ZNF543: variants seen among roughly 807,000 people sequenced by gnomAD.
ZNF543 encodes zinc finger protein 543.
A neutral mutation model predicts 13.4 loss-of-function variants in ZNF543; 10 were observed. The observed-to-expected ratio is 0.75, with a 90% CI of 0.46 to 1.26. The LOEUF (loss-of-function observed/expected upper bound fraction) is 1.26, where lower values mean the gene tolerates loss of function less well. Ranked by LOEUF, ZNF543 falls within the 50% of genes most tolerant of loss-of-function variation. ZNF543 has a pLI of 0.00. For missense variants in ZNF543, 768 were observed against 741.2 expected (o/e 1.04, Z -0.42); for synonymous variants, 272 against 264.7 (o/e 1.03, Z -0.27).
chr19:57,329,312 A>G lies in ZNF543; in HGVS notation c.*47A>G, dbSNP rs2088147967. The stretch of plus-strand genomic sequence containing the variant: ...GCCATTCACACTGAAGAGAAACTTC[A>G]TAAGCATCCTCTCTTTGAGAAAACG... On this transcript the variant is annotated 3_prime_UTR_variant, in exon 4 of 4. Transcript: ENST00000321545. The G allele has an allele frequency of 2.6e-6, 4 of 1,535,956 alleles. No individual in the cohort carries two copies. Among genetic ancestry groups the G allele is most frequent in the African/African-American group, 1.4e-5 (1 of 72,346 alleles).
chr19:57,327,121 T>C (rs1220023848), intron 3 of ZNF543, among the ~76,000 whole-genome samples: 1 of 151,222 alleles, frequency 6.6e-6, no homozygotes, highest in African/African-American at 2.4e-5. Flanking sequence ...CCTGCCTCAG[T>C]GTTCGAAAAT....
Position 57,323,717 on chromosome 19 carries a change from C to T in ZNF543, c.54C>T (p.Phe18=). The T allele has an allele frequency of 2.5e-6, 4 of 1,613,722 alleles. No individual in the cohort carries two copies. Among genetic ancestry groups the T allele is most frequent in the Non-Finnish European group, 2.5e-6 (3 of 1,179,728 alleles). The part of the protein sequence containing the change: ...SVTFEDVAVT[F]TQEEWGQLDA... Reference sequence around the variant, plus strand: ...CCTTTGAGGATGTGGCTGTGACATTCACCCAGGAGGAGTGGGGACAGTTGG... The same window carrying T: ...CCTTTGAGGATGTGGCTGTGACATTTACCCAGGAGGAGTGGGGACAGTTGG... The change falls in exon 2 of 4, where the codon TTC becomes TTT. Residue 18 remains phenylalanine, a synonymous_variant. Coordinates refer to ENST00000321545, the MANE Select transcript of ZNF543 (RefSeq NM_213598.4).
intron 1 of ZNF543, chr19:57,323,480 C>T (rs928573940): frequency 6.6e-6 from 4 of 606,478 alleles, no homozygotes; most frequent in African/African-American, 3.7e-5. Flanking sequence ...GCGTGAGCCA[C>T]CGCGCCTGAC....
In ZNF543 at chr19:57,326,866, C is replaced by T. The variant is rs1159895946; in HGVS notation, c.241+138C>T. 46 of 576,214 alleles carry T rather than the reference C, an allele frequency of 8.0e-5. No individual in the cohort carries two copies. In the East Asian group the frequency reaches 1.1e-3, roughly 14 times the overall value. The allele number at this position is 576,214 out of a possible 1,614,324, so 35.7% of individuals were successfully genotyped here. On this transcript the variant is annotated intron_variant, in intron 3 of 3. Transcript: ENST00000321545. ...GGGATCCATGGAGCCTCTCCCCGCCCGCCCCCCCCCACCCGCCTTCAGACA... is the reference window on the plus strand; with the variant it reads ...GGGATCCATGGAGCCTCTCCCCGCCTGCCCCCCCCCACCCGCCTTCAGACA...
chr19:57,320,929 G>A (rs2088086574), intron 1 of ZNF543, 58 bp downstream of exon 1: 1 of 1,608,864 alleles, frequency 6.2e-7, no homozygotes, highest in Non-Finnish European at 8.5e-7. Context: ...GGCCTCGTGG[G>A]CAGGCAGAAG....
Position 57,329,322 on chromosome 19 carries a change from TC to T in ZNF543, c.*58del, listed in dbSNP as rs1461600218. 97 of 1,524,322 alleles carry T rather than the reference TC, an allele frequency of 6.4e-5. No individual in the cohort carries two copies. The highest frequency in any genetic ancestry group is 5.3e-4 in the Middle Eastern group (3 of 5,664). 94.4% of individuals were successfully genotyped at this position (1,524,322 alleles called of 1,614,324 possible). On this transcript the variant is annotated 3_prime_UTR_variant, in exon 4 of 4. Transcript: ENST00000321545. ...CTGAAGAGAAACTTCATAAGCATCCTCTCTTTGAGAAAACGTGTAATAGATG... is the reference window on the plus strand; with the variant it reads ...CTGAAGAGAAACTTCATAAGCATCCTTCTTTGAGAAAACGTGTAATAGATG...
Position 57,329,023 on chromosome 19 carries a change from A to G in ZNF543, c.1561A>G (p.Asn521Asp). 6.2e-7 allele frequency: 1 copy of G among 1,613,796 alleles called. No individual in the cohort carries two copies. The highest frequency in any genetic ancestry group is 8.5e-7 in the Non-Finnish European group (1 of 1,179,942). Residue 521 changes from asparagine (N) to aspartate (D), a missense_variant, in exon 4 of 4, where the codon AAC becomes GAC. Asn to Asp is a conservative substitution (Grantham distance 23). Coordinates refer to ENST00000321545, the MANE Select transcript of ZNF543 (RefSeq NM_213598.4). ...TGGGAAAGCCTTTTGCCGGAGCGCA[A>G]ACCTTATTCGACACTCCATCATTCA... ...QCGKAFCRSA[N>D]LIRHSIIHTG... is the part of the protein sequence containing the mutation.
intron 2 of ZNF543, 36 bp from the exon 3 acceptor site, chr19:57,326,597 T>C (rs2122939726): frequency 6.5e-7 from 1 of 1,546,852 alleles, no homozygotes; most frequent in Admixed American, 1.7e-5. Context: ...TCTTCTAACC[T>C]AACTCCCTGT....
Position 57,329,372 on chromosome 19 carries a change from A to G in ZNF543, c.*107A>G. On this transcript the variant is annotated 3_prime_UTR_variant, in exon 4 of 4. Coordinates refer to ENST00000321545, the MANE Select transcript of ZNF543 (RefSeq NM_213598.4). ...TGATCATTTGTCGTCTAAACAATCA[A>G]GTTAGAAATTGAACCAGCCTGGAGT... 6.9e-7 allele frequency: 1 copy of G among 1,456,252 alleles called. No homozygotes were observed. The highest frequency in any genetic ancestry group is 9.1e-7 in the Non-Finnish European group (1 of 1,094,542). 90.2% of individuals were successfully genotyped at this position (1,456,252 alleles called of 1,614,324 possible).
In ZNF543 at chr19:57,328,434, A is replaced by C; in HGVS notation, c.972A>C (p.Pro324=). Residue 324 remains proline, a synonymous_variant, in exon 4 of 4, where the codon CCA becomes CCC. Coordinates refer to ENST00000321545, the MANE Select transcript of ZNF543 (RefSeq NM_213598.4). ...GTGGCAAAGCCTTTCGAGATAGGCC[A>C]GGTTTCATTCGACACTACATCATCC... is the stretch of plus-strand genomic sequence containing the variant. ...KECGKAFRDR[P]GFIRHYIIHT... The C allele has an allele frequency of 6.2e-7, 1 of 1,611,842 alleles. No individual in the cohort carries two copies. Among genetic ancestry groups the C allele is most frequent in the South Asian group, 1.1e-5 (1 of 90,968 alleles).
intron 1 of ZNF543, among the ~76,000 whole-genome samples, chr19:57,323,193 A>ATTTTT (rs371613138): frequency 7.4e-6 from 1 of 135,790 alleles, no homozygotes; most frequent in Non-Finnish European, 1.6e-5. Context: ...CACTGCTGTA[A>ATTTTT]TTTTTTTTTT....
chr19:57,326,289 C>T (rs1007945326), intron 2 of ZNF543, among the ~76,000 whole-genome samples: 6 of 152,130 alleles, frequency 3.9e-5, no homozygotes, highest in African/African-American at 1.2e-4. Flanking sequence ...TTCAGCCTCC[C>T]GAGTAGCTGG....
chr19:57,328,937 C>A lies in ZNF543; in HGVS notation c.1475C>A (p.Ser492Ter). ...TGTGGAAAGGCCTTCAACCGCAGCTCACACCTCACGAGGCACCAACAGATT... is the reference window on the plus strand; with the variant it reads ...TGTGGAAAGGCCTTCAACCGCAGCTAACACCTCACGAGGCACCAACAGATT... Reference protein sequence around the residue: ...VECGKAFNRSSHLTRHQQIHT... With the variant: ...VECGKAFNRS Residue 492 changes from serine (S) to a stop codon, truncating the protein, a stop_gained, in exon 4 of 4, where the codon TCA (serine) becomes TAA (stop). Coordinates refer to ENST00000321545, the MANE Select transcript of ZNF543 (RefSeq NM_213598.4). LOFTEE classifies it low-confidence loss of function (END_TRUNC). The A allele has an allele frequency of 6.2e-7, 1 of 1,614,180 alleles. No individual in the cohort carries two copies. Among genetic ancestry groups the A allele is most frequent in the Non-Finnish European group, 8.5e-7 (1 of 1,180,016 alleles).
intron 2 of ZNF543, 98 bp downstream of exon 2, chr19:57,323,906 A>G (rs568907954): frequency 6.7e-7 from 1 of 1,491,578 alleles, no homozygotes; most frequent in East Asian, 2.4e-5. Context: ...GGCTCCTGGC[A>G]CCACGCAGGG....
At position 57,323,537 on chromosome 19, in the gene ZNF543, G is replaced by A. The variant is rs1048505629; in HGVS notation, c.19-145G>A. 20 of 1,077,008 alleles carry A rather than the reference G, an allele frequency of 1.9e-5. No homozygotes were observed. The African/African-American group carries it at 2.4e-4, about 13-fold the overall frequency. The allele number at this position is 1,077,008 out of a possible 1,614,324, so 66.7% of individuals were successfully genotyped here. On this transcript the variant is annotated intron_variant, in intron 1 of 3. Coordinates refer to ENST00000321545, the MANE Select transcript of ZNF543 (RefSeq NM_213598.4). ...AAGGCAATGTCCACATTCCCCTCAT[G>A]CCTGGCACAGATCATGGCCCTCTAG...
In ZNF543 at chr19:57,328,988, G is replaced by A. The variant is rs762068097; in HGVS notation, c.1526G>A (p.Cys509Tyr). 6 of 1,614,052 alleles carry A rather than the reference G, an allele frequency of 3.7e-6. No homozygotes were observed. The African/African-American group carries it at 8.0e-5, about 22-fold the overall frequency. The change falls in exon 4 of 4, where the codon TGC (cysteine) becomes TAC (tyrosine). Residue 509 changes from cysteine (C) to tyrosine (Y), a missense_variant. By Grantham distance (194) the Cys-to-Tyr change is radical (BLOSUM62 -2). Around this residue, in one of 3 missense-constraint regions of ZNF543, gnomAD observed 677 missense variants for 631.4 expected, o/e 1.07. Coordinates refer to ENST00000321545, the MANE Select transcript of ZNF543 (RefSeq NM_213598.4). ...CACACTGGAGAGAAACCCTATGAAT[G>A]CATCCAGTGTGGGAAAGCCTTTTGC... Reference protein sequence around the residue: ...QIHTGEKPYECIQCGKAFCRS... With the variant: ...QIHTGEKPYEYIQCGKAFCRS...
intron 2 of ZNF543, among the ~76,000 whole-genome samples, chr19:57,326,181 G>T (rs2064209384): frequency 6.6e-6 from 1 of 151,572 alleles, no homozygotes; most frequent in African/African-American, 2.4e-5. Flanking sequence ...CAATGAGGAT[G>T]TTTTTTTTCT....
Position 57,330,217 on chromosome 19 carries a change from C to T in ZNF543, c.*952C>T, listed in dbSNP as rs1423492879. Reference sequence around the variant, plus strand: ...ATGCTTGTTTAAAAAAATGTTTCACCATGTGTCTTTACCCAATACACATAC... The same window carrying T: ...ATGCTTGTTTAAAAAAATGTTTCACTATGTGTCTTTACCCAATACACATAC... On this transcript the variant is annotated 3_prime_UTR_variant, in exon 4 of 4. Coordinates refer to ENST00000321545, the MANE Select transcript of ZNF543 (RefSeq NM_213598.4). 1 of 151,586 alleles carries T rather than the reference C, an allele frequency of 6.6e-6. No individual in the cohort carries two copies. The highest frequency in any genetic ancestry group is 2.4e-5 in the African/African-American group (1 of 41,260). The allele number at this position is 151,586 out of a possible 1,614,324, so 9.4% of individuals were successfully genotyped here.
intron 2 of ZNF543, among the ~76,000 whole-genome samples, chr19:57,324,877 A>G (rs2088112330): frequency 6.6e-6 from 1 of 152,186 alleles, no homozygotes; most frequent in South Asian, 2.1e-4. Context: ...CAGTATCTCA[A>G]ATATGTTATT....
Sources: allele counts gnomAD v4.1 joint callset (sites outside exome capture counted in the v4.1 genomes callset), GRCh38; gene constraint gnomAD v4.1.1; regional missense constraint gnomAD v4.1.1; transcripts MANE v1.5; gene names NCBI Gene and HGNC (gene_info 2026-07-23, HGNC 2026-07-21).